The following BICD2 variants were observed in gnomAD, a reference collection of about 807,000 sequenced individuals.
BICD2 encodes BICD cargo adaptor 2.
BICD2 carries 25 observed loss-of-function variants against 72.9 expected under a neutral mutation model. That is an observed-to-expected ratio of 0.34 (90% CI 0.25 to 0.48). The LOEUF is 0.48. Ranked by LOEUF, BICD2 falls within the 20% of genes least tolerant of loss-of-function variation. BICD2 has a pLI of 0.99. For missense variants in BICD2, 894 were observed against 1,175.2 expected, an observed-to-expected ratio of 0.76 and a Z score of 3.50; for synonymous variants, 501 against 516.1, an observed-to-expected ratio of 0.97 and a Z score of 0.40.
chr9:92,756,436 T>C (rs1039203363), intron 1 of BICD2, among the ~76,000 whole-genome samples: 18 of 151,794 alleles, frequency 1.2e-4, no homozygotes, highest in Non-Finnish European at 2.7e-4. Context: ...TAATTTTTTG[T>C]ATTTTTAGTA....
At chr9:92,724,750 AC>A (rs1248960952) in intron 2 of BICD2, among the ~76,000 whole-genome samples, 1 of 151,748 alleles carries the variant, frequency 6.6e-6, no homozygotes, top group Non-Finnish European at 1.5e-5. Flanking sequence ...AGAGTGCAGC[AC>A]CCCCCAGGAG....
rs1490595219 is a variant in BICD2, at chr9:92,764,245, G to A, written c.240+260C>T. ...CGCCCCGCCGGGGCCGCCCAGGTCCGCACAGAAGCAGGCGGGCAGCTGCAG... is the reference window on the plus strand; with the variant it reads ...CGCCCCGCCGGGGCCGCCCAGGTCCACACAGAAGCAGGCGGGCAGCTGCAG... On this transcript the variant is annotated intron_variant, in intron 1 of 6. Coordinates refer to ENST00000356884, the MANE Select transcript of BICD2 (RefSeq NM_001003800.2). The surrounding 1 kb of genome is among the most constrained non-coding windows in gnomAD (Gnocchi z 5.5). 3.3e-5 allele frequency among the ~76,000 whole-genome samples: 5 copies of A among 151,348 alleles called. No individual in the cohort carries two copies. Among genetic ancestry groups the A allele is most frequent in the East Asian group, 2.0e-4 (1 of 5,078 alleles).
chr9:92,733,962 G>A (rs183136307), intron 1 of BICD2, among the ~76,000 whole-genome samples: 63 of 151,158 alleles, frequency 4.2e-4, no homozygotes, highest in Non-Finnish European at 6.5e-4. Flanking sequence ...GCAAGACTCC[G>A]TCTTAAAAAA....
intron 6 of BICD2, among the ~76,000 whole-genome samples, chr9:92,716,191 T>C (rs1273583666): frequency 6.6e-6 from 1 of 152,108 alleles, no homozygotes; most frequent in Middle Eastern, 3.2e-3. Flanking sequence ...CACCCTACTC[T>C]GCCTGTCCCC....
chr9:92,748,537 A>G (rs1854065787), intron 1 of BICD2, among the ~76,000 whole-genome samples: 1 of 152,090 alleles, frequency 6.6e-6, no homozygotes, highest in South Asian at 2.1e-4. Context: ...CAAGTCAGCT[A>G]AGAAGCCAGA....
intron 1 of BICD2, among the ~76,000 whole-genome samples, chr9:92,741,168 G>A (rs975519314): frequency 5.3e-5 from 8 of 152,198 alleles, no homozygotes; most frequent in Admixed American, 3.9e-4. Context: ...TGTTCAGCAG[G>A]TATGTCATGA....
chr9:92,751,746 T>C (rs1854153971), intron 1 of BICD2, among the ~76,000 whole-genome samples: 1 of 152,010 alleles, frequency 6.6e-6, no homozygotes, highest in Non-Finnish European at 1.5e-5. Flanking sequence ...GTTAACTAAA[T>C]ATACATACAG....
intron 1 of BICD2, among the ~76,000 whole-genome samples, chr9:92,756,103 GGC>G: frequency 6.6e-6 from 1 of 152,044 alleles, no homozygotes; most frequent in Admixed American, 6.5e-5. Flanking sequence ...GGTTTAGAAG[GGC>G]TTGGCATCTA....
intron 1 of BICD2, among the ~76,000 whole-genome samples, chr9:92,730,828 TGAG>T (rs1853666006): frequency 6.6e-6 from 1 of 152,192 alleles, no homozygotes; most frequent in African/African-American, 2.4e-5. Flanking sequence ...CCCACACTCC[TGAG>T]GAGGCTGGGT....
chr9:92,745,855 G>A (rs1854000958), intron 1 of BICD2, among the ~76,000 whole-genome samples: 1 of 152,176 alleles, frequency 6.6e-6, no homozygotes, highest in Non-Finnish European at 1.5e-5. Flanking sequence ...CTAGACCCTG[G>A]CCCACAGTGC....
At position 92,715,023 on chromosome 9, in the gene BICD2, G is replaced by A. The variant is rs1853272707; in HGVS notation, c.*131C>T. The A allele has an allele frequency of 8.4e-6, 12 of 1,429,948 alleles. No individual in the cohort carries two copies. The highest frequency in any genetic ancestry group is 1.0e-5 in the Non-Finnish European group (11 of 1,091,362). The allele number at this position is 1,429,948 out of a possible 1,614,324, so 88.6% of individuals were successfully genotyped here. ...GTGTCCTGCTGATGCAACGCCCCAT[G>A]GCGCCTCGGCTAGACTCCTACCCTC... is the stretch of plus-strand genomic sequence containing the variant. On this transcript the variant is annotated 3_prime_UTR_variant, in exon 7 of 7. Coordinates refer to ENST00000356884, the MANE Select transcript of BICD2 (RefSeq NM_001003800.2).
chr9:92,745,561 G>A (rs1853993755), intron 1 of BICD2, among the ~76,000 whole-genome samples: 1 of 152,118 alleles, frequency 6.6e-6, no homozygotes, highest in African/African-American at 2.4e-5. Flanking sequence ...CAGCTTTGAT[G>A]TGGGCCCAGA....
chr9:92,720,721 C>T lies in BICD2; in HGVS notation c.641G>A (p.Arg214His), dbSNP rs373760993. The T allele has an allele frequency of 8.1e-6, 13 of 1,614,118 alleles. No individual in the cohort carries two copies. Among genetic ancestry groups the T allele is most frequent in the Admixed American group, 1.7e-5 (1 of 60,016 alleles). ...EFEGLKHEIK[R>H]LEEETEYLNS... Reference sequence around the variant, plus strand: ...GAGGTACTCGGTCTCCTCCTCCAGACGCTTGATCTCATGCTTGAGGCCCTC... The same window carrying T: ...GAGGTACTCGGTCTCCTCCTCCAGATGCTTGATCTCATGCTTGAGGCCCTC... Residue 214 changes from arginine (R) to histidine (H), a missense_variant, in exon 4 of 7, where the codon CGT becomes CAT. Arg to His is a conservative substitution (Grantham distance 29). This residue lies in a region of BICD2 where 371 missense variants were observed against 439.1 expected (regional missense o/e 0.84). Transcript: ENST00000356884. This position sits in a 1 kb window ranked among gnomAD's most constrained non-coding sequence, Gnocchi z 5.4.
At chr9:92,728,477 G>A (rs775438497) in intron 2 of BICD2, among the ~76,000 whole-genome samples, 6 of 152,222 alleles carry the variant, frequency 3.9e-5, no homozygotes, top group Admixed American at 6.5e-5. Context: ...GACCCTCCCT[G>A]CGGGCACTCT....
chr9:92,745,991 G>C (rs923968131), intron 1 of BICD2, among the ~76,000 whole-genome samples: 1 of 152,180 alleles, frequency 6.6e-6, no homozygotes, highest in African/African-American at 2.4e-5. Flanking sequence ...CTGGAACCTA[G>C]AAAGCTTGGA....
chr9:92,719,642 G>A (rs1205623532), intron 4 of BICD2, 60 bp from the exon 5 acceptor site: 2 of 1,482,502 alleles, frequency 1.3e-6, no homozygotes, highest in Admixed American at 4.3e-5. Flanking sequence ...AGAGCTTGGA[G>A]GACCCCCAAG....
chr9:92,720,349 C>T lies in BICD2; in HGVS notation c.1013G>A (p.Ser338Asn). ...PSPSLVSDLL[S>N]ELNISEIQKL... is the part of the protein sequence containing the mutation. ...CTGGATCTCAGAGATGTTGAGCTCA[C>T]TGAGTAGGTCGGAGACGAGGCTGGG... Residue 338 changes from serine to asparagine, a missense_variant, in exon 4 of 7, where the codon AGT becomes AAT. This residue lies in a region of BICD2 where 371 missense variants were observed against 439.1 expected (regional missense o/e 0.84). Transcript: ENST00000356884. The surrounding 1 kb of genome is among the most constrained non-coding windows in gnomAD (Gnocchi z 5.4). 6.2e-7 allele frequency: 1 copy of T among 1,613,866 alleles called. No homozygotes were observed. Among genetic ancestry groups the T allele is most frequent in the Non-Finnish European group, 8.5e-7 (1 of 1,179,994 alleles).
At chr9:92,756,175 G>A (rs1293175869) in intron 1 of BICD2, among the ~76,000 whole-genome samples, 4 of 152,128 alleles carry the variant, frequency 2.6e-5, no homozygotes, top group African/African-American at 4.8e-5. Flanking sequence ...AGGCTGGGGC[G>A]ACAGATGAAC....
At chr9:92,761,592 C>T (rs933258285) in intron 1 of BICD2, among the ~76,000 whole-genome samples, 2 of 152,218 alleles carry the variant, frequency 1.3e-5, no homozygotes, top group Admixed American at 6.5e-5. Flanking sequence ...TAGCCTTAGC[C>T]CACCTAGCTA....
Sources: allele counts gnomAD v4.1 joint callset (sites outside exome capture counted in the v4.1 genomes callset), GRCh38; gene constraint gnomAD v4.1.1; regional missense constraint gnomAD v4.1.1; non-coding constraint Gnocchi (gnomAD v3.1); transcripts MANE v1.5; gene names NCBI Gene and HGNC (gene_info 2026-07-23, HGNC 2026-07-21).